PFKL: variants seen among roughly 807,000 people sequenced by gnomAD.
PFKL encodes ATP-dependent 6-phosphofructokinase, liver type.
PFKL carries 74 observed loss-of-function variants against 92.1 expected under a neutral mutation model. The observed-to-expected ratio is 0.80, with a 90% CI of 0.67 to 0.97. The LOEUF is 0.97. Among genes scored for constraint, PFKL ranks in the 50% least tolerant of loss-of-function variants. The pLI is 0.00. For missense variants in PFKL, 1,028 were observed against 1,116.6 expected (o/e 0.92, Z 1.13); for synonymous variants, 494 against 456.4 (o/e 1.08, Z -1.05).
intron 3 of PFKL, among the ~76,000 whole-genome samples, chr21:44,311,315 CACAG>C (rs1259348450): frequency 2.7e-5 from 4 of 148,632 alleles, no homozygotes; most frequent in Admixed American, 2.0e-4. Context: ...CAGACACGTG[CACAG>C]ACACACACAG....
rs1041481516 is a variant in PFKL at position 44,306,059 on chromosome 21, T to A, written c.86-622T>A. Reference sequence around the variant, plus strand: ...AGGAGCCCAAGCCCCTTCCAGCAGGTGCTTTCCTCAGTGCCCAGAGGTGCT... The same window carrying A: ...AGGAGCCCAAGCCCCTTCCAGCAGGAGCTTTCCTCAGTGCCCAGAGGTGCT... On this transcript the variant is annotated intron_variant, in intron 1 of 21. Coordinates refer to ENST00000349048, the MANE Select transcript of PFKL (RefSeq NM_002626.6). The A allele has an allele frequency of 1.8e-5, 9 of 487,022 alleles. No homozygotes were observed. The African/African-American group carries it at 2.1e-4, about 11-fold the overall frequency. 30.2% of individuals were successfully genotyped at this position (487,022 alleles called of 1,614,324 possible). A position where few individuals can be genotyped will look rare whatever the true frequency, so the allele number is the denominator to read the frequency against.
chr21:44,313,713 G>A (rs756371638), intron 6 of PFKL, 31 bp downstream of exon 6: 1 of 1,601,038 alleles, frequency 6.2e-7, no homozygotes, highest in South Asian at 1.1e-5. Flanking sequence ...CCGCTGGGTG[G>A]CCCGGGTGCT....
intron 11 of PFKL, 153 bp downstream of exon 11, chr21:44,319,568 C>A: frequency 1.5e-6 from 1 of 686,676 alleles, no homozygotes. Context: ...GCGGGTGGTA[C>A]AGGAGGCGGG....
intron 1 of PFKL, chr21:44,305,439 A>C: frequency 7.4e-7 from 1 of 1,347,582 alleles, no homozygotes; most frequent in Non-Finnish European, 9.9e-7. Flanking sequence ...CAGCCTCTGC[A>C]AGTACAGGGG....
chr21:44,300,237 C>T (rs1217973054), intron 1 of PFKL, 47 bp downstream of exon 1: 16 of 938,826 alleles, frequency 1.7e-5, no homozygotes, highest in Non-Finnish European at 2.1e-5. Flanking sequence ...GTGGAGGGCG[C>T]CTCCGCCCTG....
chr21:44,306,102 C>CTGCGCCG (rs1555875505), intron 1 of PFKL, among the ~76,000 whole-genome samples: 39 of 152,142 alleles, frequency 2.6e-4, no homozygotes, highest in Non-Finnish European at 5.6e-4. Flanking sequence ...TTCTCCATCC[C>CTGCGCCG]CACGCCGCAG....
intron 7 of PFKL, chr21:44,314,397 G>A (rs1258690822): frequency 1.3e-5 from 3 of 228,460 alleles, no homozygotes; most frequent in South Asian, 7.5e-5. Flanking sequence ...CGGCAGGGCT[G>A]TGGGGGTGGC....
At chr21:44,324,721 A>T (rs373838443) in intron 17 of PFKL, 66 bp downstream of exon 17, 11 of 1,559,484 alleles carry the variant, frequency 7.1e-6, no homozygotes, top group East Asian at 4.5e-5. Flanking sequence ...CCAGACACTC[A>T]GGCCGGCCAG....
chr21:44,322,310 G>T, intron 14 of PFKL, 107 bp downstream of exon 14: 1 of 1,050,468 alleles, frequency 9.5e-7, no homozygotes, highest in Middle Eastern at 3.2e-4. Context: ...CCTGGGCTCG[G>T]CCCCTCTTCC....
chr21:44,304,954 G>C (rs2040889449), intron 1 of PFKL, among the ~76,000 whole-genome samples: 1 of 152,160 alleles, frequency 6.6e-6, no homozygotes, highest in South Asian at 2.1e-4. Context: ...AGTGTGGGCA[G>C]CTCCAGCTCC....
chr21:44,323,454 G>A (rs1487831418), intron 15 of PFKL, among the ~76,000 whole-genome samples: 3 of 152,160 alleles, frequency 2.0e-5, no homozygotes, highest in African/African-American at 7.2e-5. Context: ...CACTGGGCAA[G>A]CTGTCACTAA....
intron 1 of PFKL, among the ~76,000 whole-genome samples, chr21:44,304,750 GGGGGGCTCGGCTGTC>G (rs2040882361): frequency 1.1e-5 from 1 of 88,228 alleles, no homozygotes; most frequent in African/African-American, 6.1e-5. Flanking sequence ...TCGGCTGTCT[GGGGGGCTCGGCTGTC>G]TTTCTGGGGG....
rs377315248 is a variant in PFKL at position 44,324,876 on chromosome 21, G to A, written c.1836G>A (p.Thr612=). The A allele has an allele frequency of 9.7e-5, 156 of 1,608,830 alleles. No homozygotes were observed. Among genetic ancestry groups the A allele is most frequent in the African/African-American group, 5.9e-4 (44 of 74,952 alleles). ...HDLKVNVEHM[T]EKMKTDIQRG... ...CGCAGGTCAACGTGGAGCACATGAC[G>A]GAGAAGATGAAGACAGACATTCAGA... Residue 612 remains threonine (T), a synonymous_variant, in exon 18 of 22, where the codon ACG becomes ACA. Transcript: ENST00000349048.
rs1255206455 is a variant in PFKL, at chr21:44,324,571, C to T, written c.1731C>T (p.Gly577=). Residue 577 remains glycine (G), a synonymous_variant, in exon 17 of 22, where the codon GGC becomes GGT. Transcript: ENST00000349048. The part of the protein sequence containing the change: ...FIVETMGGYC[G]YLATVTGIAV... The stretch of plus-strand genomic sequence containing the variant: ...TGGAGACCATGGGGGGTTACTGTGG[C>T]TACCTGGCCACCGTGACTGGCATTG... 6.2e-7 allele frequency: 1 copy of T among 1,613,166 alleles called. No homozygotes were observed.
In PFKL at chr21:44,312,125, C is replaced by A; in HGVS notation, c.258C>A (p.Ser86Arg). The A allele has an allele frequency of 1.3e-6, 2 of 1,564,550 alleles. No individual in the cohort carries two copies. The highest frequency in any genetic ancestry group is 1.7e-6 in the Non-Finnish European group (2 of 1,155,864). ...IIQLGGTIIGSARCKAFTTRE... is the reference protein window; with the variant it reads ...IIQLGGTIIGRARCKAFTTRE... ...TGCAGGGCGGCACTATCATTGGCAG[C>A]GCTCGCTGCAAGGCCTTTACCACCA... The change falls in exon 4 of 22, where the codon AGC becomes AGA. Residue 86 changes from serine to arginine, a missense_variant. By Grantham distance (110) the Ser-to-Arg change is moderately radical (BLOSUM62 -1). Coordinates refer to ENST00000349048, the MANE Select transcript of PFKL (RefSeq NM_002626.6).
chr21:44,326,398 TCCC>T (rs1306724083), intron 21 of PFKL, 134 bp downstream of exon 21: 1 of 713,408 alleles, frequency 1.4e-6, no homozygotes, highest in East Asian at 2.7e-5. Context: ...CATGCCCAGG[TCCC>T]CGCCAGGCCG....
chr21:44,319,673 G>A (rs1297810146), intron 11 of PFKL: 10 of 570,390 alleles, frequency 1.8e-5, no homozygotes, highest in Non-Finnish European at 3.1e-5. Flanking sequence ...GAGAAGCTGT[G>A]GATACAAGCC....
At position 44,312,282 on chromosome 21, in the gene PFKL, C is replaced by G; in HGVS notation, c.415C>G (p.Leu139Val). 2.5e-6 allele frequency: 4 copies of G among 1,591,364 alleles called. No homozygotes were observed. Among genetic ancestry groups the G allele is most frequent in the Non-Finnish European group, 3.4e-6 (4 of 1,171,006 alleles). ...RSEWGSLLEE[L>V]VAEGKISETT... ...CGAGTGGGGCAGCCTGCTGGAGGAG[C>G]TGGTGGCGGAAGGTGGGTCTGTGCC... The change falls in exon 4 of 22, where the codon CTG (leucine) becomes GTG (valine). Residue 139 changes from leucine (L) to valine (V), a missense_variant. Leu to Val is a conservative substitution (Grantham distance 32, BLOSUM62 1). Transcript: ENST00000349048.
intron 11 of PFKL, chr21:44,319,677 A>C (rs2047308946): frequency 1.8e-6 from 1 of 566,608 alleles, no homozygotes; most frequent in African/African-American, 1.9e-5. Context: ...AGCTGTGGAT[A>C]CAAGCCCAGG....
Sources: gnomAD v4.1 joint callset for allele counts (sites outside exome capture counted in the v4.1 genomes callset) on GRCh38, gnomAD v4.1.1 for gene constraint, MANE v1.5 for transcripts, NCBI Gene and HGNC (gene_info 2026-07-23, HGNC 2026-07-21) for gene names.